ADGRL3: variants seen among roughly 807,000 people sequenced by gnomAD.
ADGRL3 encodes the protein adhesion G protein-coupled receptor L3.
ADGRL3 carries 62 observed loss-of-function variants against 153.5 expected under a neutral mutation model. That is an observed-to-expected ratio of 0.40 (90% CI 0.33 to 0.50). ADGRL3 has a LOEUF of 0.50. Ranked by LOEUF, ADGRL3 falls within the 20% of genes least tolerant of loss-of-function variation. The probability of loss-of-function intolerance (pLI) is 0.47; values close to 1 mark genes in which losing one functional copy is unlikely to be tolerated. For synonymous variants in ADGRL3, 710 were observed against 672.5 expected, an observed-to-expected ratio of 1.06 and a Z score of -0.86; for missense variants, 1,641 against 1,859.4, an observed-to-expected ratio of 0.88 and a Z score of 2.16.
At chr4:61,358,953 A>G (rs1283545118) in intron 1 of ADGRL3, among the ~76,000 whole-genome samples, 1 of 152,184 alleles carries the variant, frequency 6.6e-6, no homozygotes, top group Non-Finnish European at 1.5e-5. Context: ...GGCCCATCCA[A>G]CTAATATGTC....
chr4:61,650,350 C>T lies in ADGRL3; in HGVS notation c.474-26476C>T, dbSNP rs998003293. On this transcript the variant is annotated intron_variant, in intron 5 of 26. Coordinates refer to ENST00000683033, the MANE Select transcript of ADGRL3 (RefSeq NM_001387552.1). ...TAAAAAGTAAAATGTAAAAGAAATACATCCTAAGTAACATGAGAAGCAATG... is the reference window on the plus strand; with the variant it reads ...TAAAAAGTAAAATGTAAAAGAAATATATCCTAAGTAACATGAGAAGCAATG... Among the ~76,000 whole-genome samples, 7 of 152,050 alleles carry T rather than the reference C, an allele frequency of 4.6e-5. No individual in the cohort carries two copies. The South Asian group carries it at 1.5e-3, about 32-fold the overall frequency.
At chr4:61,488,608 T>C (rs1293920808) in intron 2 of ADGRL3, among the ~76,000 whole-genome samples, 1 of 152,052 alleles carries the variant, frequency 6.6e-6, no homozygotes, top group African/African-American at 2.4e-5. Context: ...TTCAACTTTT[T>C]ACTGTATCTT....
chr4:62,007,486 G>GCACA (rs1560498471), intron 21 of ADGRL3, among the ~76,000 whole-genome samples: 43 of 124,212 alleles, frequency 3.5e-4, no homozygotes, highest in African/African-American at 1.3e-3. Context: ...ATATATATAT[G>GCACA]TATATATATC....
chr4:61,252,285 C>G (rs1255201949), intron 1 of ADGRL3, among the ~76,000 whole-genome samples: 3 of 152,106 alleles, frequency 2.0e-5, no homozygotes, highest in Non-Finnish European at 4.4e-5. Context: ...AAAAACATGT[C>G]TGTAAACCCC....
At chr4:61,945,893 C>G (rs952208390) in intron 15 of ADGRL3, among the ~76,000 whole-genome samples, 46 of 152,276 alleles carry the variant, frequency 3.0e-4, no homozygotes, top group African/African-American at 9.4e-4. Flanking sequence ...AATCACCCGT[C>G]TTCTGCGTCG....
intron 4 of ADGRL3, among the ~76,000 whole-genome samples, chr4:61,530,525 T>A (rs2098606161): frequency 6.6e-6 from 1 of 152,160 alleles, no homozygotes; most frequent in South Asian, 2.1e-4. Flanking sequence ...ACAGACTGTG[T>A]GGAGAAAGAT....
intron 1 of ADGRL3, among the ~76,000 whole-genome samples, chr4:61,269,823 T>G (rs72634733): frequency 0.016 from 2,476 of 151,802 alleles, 34 homozygotes; most frequent in Middle Eastern, 0.037. Context: ...TTAATTCATT[T>G]CATTAAAATA....
Position 61,220,230 on chromosome 4 carries a change from C to T in ADGRL3, c.-240+18465C>T, listed in dbSNP as rs566358673. 4.0e-5 allele frequency among the ~76,000 whole-genome samples: 6 copies of T among 151,314 alleles called. No individual in the cohort carries two copies. In the South Asian group the frequency reaches 6.3e-4, roughly 16 times the overall value. On this transcript the variant is annotated intron_variant, in intron 1 of 26. Transcript: ENST00000683033. The stretch of plus-strand genomic sequence containing the variant: ...TATGAAAATGAGATTTGATTTTTTT[C>T]GAAGGTAGGGGCTTAGTATATTAGA...
At chr4:61,363,668 A>G (rs2096334579) in intron 1 of ADGRL3, among the ~76,000 whole-genome samples, 1 of 152,172 alleles carries the variant, frequency 6.6e-6, no homozygotes, top group Non-Finnish European at 1.5e-5. Flanking sequence ...GGATGTACAT[A>G]TGAAACATCA....
chr4:61,554,697 C>T (rs1054370582), intron 4 of ADGRL3, among the ~76,000 whole-genome samples: 2 of 152,060 alleles, frequency 1.3e-5, no homozygotes, highest in African/African-American at 4.8e-5. Flanking sequence ...ATTTCAGTGG[C>T]CATACTGAAT....
rs567116864 is a variant in ADGRL3 at position 61,577,598 on chromosome 4, G to A, written c.260-9629G>A. Among the ~76,000 whole-genome samples, 11 of 151,846 alleles carry A rather than the reference G, an allele frequency of 7.2e-5. No homozygotes were observed. In the South Asian group the frequency reaches 2.3e-3, roughly 32 times the overall value. On this transcript the variant is annotated intron_variant, in intron 4 of 26. Transcript: ENST00000683033. Reference sequence around the variant, plus strand: ...GGCAGAGGTGGGAAAATTGCTTCAGGCCAGGAGTTCGAGACTAGCTGGGCA... The same window carrying A: ...GGCAGAGGTGGGAAAATTGCTTCAGACCAGGAGTTCGAGACTAGCTGGGCA...
At chr4:61,715,313 A>T (rs2151541175) in intron 6 of ADGRL3, among the ~76,000 whole-genome samples, 1 of 152,278 alleles carries the variant, frequency 6.6e-6, no homozygotes. Context: ...TTATCTTTTA[A>T]AAGCAGGCTG....
chr4:61,521,422 A>G (rs335317), intron 4 of ADGRL3, among the ~76,000 whole-genome samples: 115,279 of 152,050 alleles, frequency 0.76, 44,058 homozygotes, highest in East Asian at 0.94. Flanking sequence ...GTATAACACT[A>G]TGAGGAGTTT....
chr4:62,067,363 T>G (rs915662196), intron 25 of ADGRL3, among the ~76,000 whole-genome samples: 21 of 152,066 alleles, frequency 1.4e-4, no homozygotes, highest in African/African-American at 4.8e-4. Flanking sequence ...AAAAAATAAT[T>G]TTGATAGGAT....
chr4:61,859,914 T>C (rs920002418), intron 9 of ADGRL3, among the ~76,000 whole-genome samples: 2 of 152,214 alleles, frequency 1.3e-5, no homozygotes, highest in African/African-American at 2.4e-5. Context: ...CTTTTTCCAG[T>C]GCTTGTCTGA....
chr4:61,326,387 G>A (rs924034759), intron 1 of ADGRL3, among the ~76,000 whole-genome samples: 10 of 151,766 alleles, frequency 6.6e-5, no homozygotes, highest in Admixed American at 2.0e-4. Flanking sequence ...GTTTATAATC[G>A]TAACTGTTCT....
intron 5 of ADGRL3, among the ~76,000 whole-genome samples, chr4:61,622,152 A>T (rs562172599): frequency 1.3e-5 from 2 of 152,324 alleles, no homozygotes; most frequent in East Asian, 3.9e-4. Context: ...GTAGTCTTTT[A>T]AAGTAAAATT....
chr4:61,855,916 A>G (rs755063783), intron 9 of ADGRL3, among the ~76,000 whole-genome samples: 8 of 152,220 alleles, frequency 5.3e-5, no homozygotes, highest in South Asian at 2.1e-4. Flanking sequence ...GTGAGGGTTC[A>G]TTAAGAATAT....
At chr4:61,903,695 C>G (rs2098679166) in intron 11 of ADGRL3, among the ~76,000 whole-genome samples, 1 of 124,998 alleles carries the variant, frequency 8.0e-6, no homozygotes, top group South Asian at 2.7e-4. Flanking sequence ...AATAGAGGGT[C>G]AGAAAATAAT....
Sources: allele counts gnomAD v4.1 joint callset (sites outside exome capture counted in the v4.1 genomes callset), GRCh38; gene constraint gnomAD v4.1.1; transcripts MANE v1.5; gene names NCBI Gene and HGNC (gene_info 2026-07-23, HGNC 2026-07-21).